The following VGLL4 variants were observed in gnomAD, a reference collection of about 807,000 sequenced individuals.
VGLL4 encodes vestigial like family member 4.
A neutral mutation model predicts 21.0 loss-of-function variants in VGLL4; 7 were observed. The ratio of observed to expected loss-of-function variants is 0.33; its 90% CI spans 0.19 to 0.63. The LOEUF (loss-of-function observed/expected upper bound fraction) is 0.63. VGLL4 is among the 20% of genes least tolerant of loss of function. The pLI is 0.78. For missense variants in VGLL4, 394 were observed against 425.7 expected (o/e 0.93, Z 0.66); for synonymous variants, 222 against 173.2 (o/e 1.28, Z -2.21).
Position 11,573,239 on chromosome 3 carries a change from GAAAT to G in VGLL4, c.273-8224_273-8221del, listed in dbSNP as rs1225969036. 3.1e-4 allele frequency among the ~76,000 whole-genome samples: 22 copies of G among 71,080 alleles called. 2 individuals carry two copies. The South Asian group carries it at 8.3e-3, about 27-fold the overall frequency. The allele number at this position is 71,080 out of a possible 152,430, so 46.6% of individuals were successfully genotyped here. ...GAGAGAAAGACAGACAGAAAGAAAA[GAAAT>G]AGAGAAAGAAAGAAAGAAAGAAAGA... On this transcript the variant is annotated intron_variant, in intron 2 of 4. Transcript: ENST00000430365.
chr3:11,590,494 C>T (rs1575423806), intron 2 of VGLL4, among the ~76,000 whole-genome samples: 1 of 152,198 alleles, frequency 6.6e-6, no homozygotes, highest in African/African-American at 2.4e-5. Context: ...TTGCTTCCTT[C>T]TATTCTGCAG....
intron 2 of VGLL4, among the ~76,000 whole-genome samples, chr3:11,700,377 C>T (rs1293732893): frequency 6.6e-6 from 1 of 152,198 alleles, no homozygotes; most frequent in Non-Finnish European, 1.5e-5. Context: ...CAAACTACTA[C>T]CTTATATAAA....
rs1390128103 is a variant in VGLL4, at chr3:11,719,968, C to T, written c.-14+426G>A. The stretch of plus-strand genomic sequence containing the variant: ...ATCTCGCACGCCCCCGCCCCCGAGG[C>T]CCCGCCAGGGGACACAGCGCCGTGC... On this transcript the variant is annotated intron_variant, in intron 1 of 5. Coordinates refer to the VGLL4 transcript ENST00000273038. The surrounding 1 kb of genome is among the most constrained non-coding windows in gnomAD (Gnocchi z 4.0). 2.0e-5 allele frequency among the ~76,000 whole-genome samples: 3 copies of T among 151,998 alleles called. No homozygotes were observed. Among genetic ancestry groups the T allele is most frequent in the Non-Finnish European group, 4.4e-5 (3 of 67,972 alleles).
chr3:11,584,353 CAAA>C (rs957911464), intron 2 of VGLL4, among the ~76,000 whole-genome samples: 1 of 149,748 alleles, frequency 6.7e-6, no homozygotes, highest in South Asian at 2.2e-4. Context: ...AACAAACAAA[CAAA>C]AAAACACACA....
chr3:11,582,534 G>A, intron 2 of VGLL4: 1 of 598,760 alleles, frequency 1.7e-6, no homozygotes, highest in Non-Finnish European at 2.9e-6. Flanking sequence ...ATTTATAGAG[G>A]GTGCCTTGCC....
chr3:11,558,327 G>T lies in VGLL4; in HGVS notation c.*229C>A. On this transcript the variant is annotated 3_prime_UTR_variant, in exon 5 of 5. Transcript: ENST00000430365. The stretch of plus-strand genomic sequence containing the variant: ...GGCAGGAAGTAAGGATGCTACATTA[G>T]ACAGATGTTCCACGCGTAGTTCCTG... The T allele has an allele frequency of 1.5e-6, 1 of 683,632 alleles. No homozygotes were observed. Among genetic ancestry groups the T allele is most frequent in the Non-Finnish European group, 2.4e-6 (1 of 417,908 alleles). 42.3% of individuals were successfully genotyped at this position (683,632 alleles called of 1,614,324 possible).
chr3:11,646,617 AT>A (rs929890898), upstream of VGLL4, among the ~76,000 whole-genome samples: 9 of 152,184 alleles, frequency 5.9e-5, no homozygotes, highest in East Asian at 1.9e-4. Flanking sequence ...GACATGAAGA[AT>A]TTTTTTAATA....
In VGLL4 at chr3:11,572,374, G is replaced by A. The variant is rs2073808640; in HGVS notation, c.273-7355C>T. Among the ~76,000 whole-genome samples the A allele has an allele frequency of 2.6e-5, 4 of 152,200 alleles. 1 individual carries two copies. The highest frequency in any genetic ancestry group is 2.1e-4 in the South Asian group (1 of 4,820). On this transcript the variant is annotated intron_variant, in intron 2 of 4. Coordinates refer to ENST00000430365, the MANE Select transcript of VGLL4 (RefSeq NM_001128219.3). ...TGGCTCCAAAGCCTTTCCATTTTCC[G>A]GGAGGGAGGAAAATACAAAGACTCG...
In VGLL4 at chr3:11,565,301, A is replaced by G. The variant is rs1023735695; in HGVS notation, c.273-282T>C. ...TCTGCCTGACTCTGTGTTCACTTCT[A>G]TAATAATCTCCACTCCCTGGGAGCC... On this transcript the variant is annotated intron_variant, in intron 2 of 4. Coordinates refer to ENST00000430365, the MANE Select transcript of VGLL4 (RefSeq NM_001128219.3). The surrounding 1 kb of genome is among the most constrained non-coding windows in gnomAD (Gnocchi z 4.1). Among the ~76,000 whole-genome samples the G allele has an allele frequency of 6.6e-6, 1 of 152,046 alleles. No individual in the cohort carries two copies. The highest frequency in any genetic ancestry group is 2.4e-5 in the African/African-American group (1 of 41,398).
Position 11,559,475 on chromosome 3 carries a change from C to T in VGLL4, c.496-20G>A, listed in dbSNP as rs2072766726. 6.5e-7 allele frequency: 1 copy of T among 1,541,282 alleles called. No homozygotes were observed. Among genetic ancestry groups the T allele is most frequent in the Non-Finnish European group, 8.7e-7 (1 of 1,143,284 alleles). On this transcript the variant is annotated intron_variant, in intron 3 of 4. Coordinates refer to ENST00000430365, the MANE Select transcript of VGLL4 (RefSeq NM_001128219.3). ...CCGGTTCTGCGGGGAGGAGGGGTGT[C>T]AGTATGTGGAGACCAGCTTCAGTAC...
chr3:11,585,923 C>T (rs1235394386), intron 2 of VGLL4, among the ~76,000 whole-genome samples: 2 of 152,106 alleles, frequency 1.3e-5, no homozygotes, highest in South Asian at 2.1e-4. Flanking sequence ...GACCCCCTGC[C>T]GTTGGTCCCT....
chr3:11,659,580 C>G (rs57361276), intron 2 of VGLL4, among the ~76,000 whole-genome samples: 2,100 of 151,698 alleles, frequency 0.014, 47 homozygotes, highest in African/African-American at 0.047. Context: ...TGATCCCCCC[C>G]GGCTCGGCCT....
intron 1 of VGLL4, among the ~76,000 whole-genome samples, chr3:11,716,600 T>C (rs1344465486): frequency 6.6e-6 from 1 of 152,216 alleles, no homozygotes; most frequent in Admixed American, 6.5e-5. Flanking sequence ...ATCTGGCTAT[T>C]AGACCTGAGG....
intron 1 of VGLL4, among the ~76,000 whole-genome samples, chr3:11,627,798 A>C (rs2075386350): frequency 6.6e-6 from 1 of 152,216 alleles, no homozygotes; most frequent in African/African-American, 2.4e-5. Flanking sequence ...ACAGACTATA[A>C]ACTCAACAGA....
Position 11,719,348 on chromosome 3 carries a change from A to G in VGLL4, c.-14+1046T>C, listed in dbSNP as rs1200438668. 1 of 152,146 alleles carries G rather than the reference A, an allele frequency of 6.6e-6. No individual in the cohort carries two copies. The highest frequency in any genetic ancestry group is 1.5e-5 in the Non-Finnish European group (1 of 68,130). The allele number at this position is 152,146 out of a possible 1,614,324, so 9.4% of individuals were successfully genotyped here. A position where few individuals can be genotyped will look rare whatever the true frequency, so the allele number is the denominator to read the frequency against. ...CGGTTCTGCTCCGACAGCCCACCCC[A>G]AGGCCCCTCTCAGGCCAGCCCTCGC... On this transcript the variant is annotated intron_variant, in intron 1 of 5. Transcript: ENST00000273038. This position sits in a 1 kb window ranked among gnomAD's most constrained non-coding sequence, Gnocchi z 4.0.
At chr3:11,672,330 C>T (rs538197790) in intron 2 of VGLL4, among the ~76,000 whole-genome samples, 2 of 152,080 alleles carry the variant, frequency 1.3e-5, no homozygotes, top group Non-Finnish European at 2.9e-5. Flanking sequence ...ACACTGTACT[C>T]GTAGAGTTAA....
intron 2 of VGLL4, among the ~76,000 whole-genome samples, chr3:11,587,072 G>A (rs535779163): frequency 1.2e-4 from 19 of 152,340 alleles, no homozygotes; most frequent in African/African-American, 4.1e-4. Context: ...ATTAAACCAT[G>A]GCTAGTGGCC....
chr3:11,703,178 C>T lies in VGLL4; in HGVS notation c.-13-131G>A, dbSNP rs924109385. ...TCTTCTAAGGATGAAATTCTTCCCA[C>T]ATGAGGAAACAGAATGGGCTTGGTT... On this transcript the variant is annotated intron_variant, in intron 1 of 5. Coordinates refer to the VGLL4 transcript ENST00000273038. The T allele has an allele frequency of 3.1e-5, 23 of 732,686 alleles. No individual in the cohort carries two copies. In the Admixed American group the frequency reaches 6.0e-4, roughly 19 times the overall value. 45.4% of individuals were successfully genotyped at this position (732,686 alleles called of 1,614,324 possible).
intron 2 of VGLL4, among the ~76,000 whole-genome samples, chr3:11,657,038 C>G (rs1260254876): frequency 6.6e-6 from 1 of 152,170 alleles, no homozygotes; most frequent in Non-Finnish European, 1.5e-5. Flanking sequence ...AAGCTGAGCC[C>G]TCTGTACTCT....
Sources: allele counts gnomAD v4.1 joint callset (sites outside exome capture counted in the v4.1 genomes callset), GRCh38; gene constraint gnomAD v4.1.1; non-coding constraint Gnocchi (gnomAD v3.1); transcripts MANE v1.5; gene names NCBI Gene and HGNC (gene_info 2026-07-23, HGNC 2026-07-21).